TBCB: variants seen among roughly 807,000 people sequenced by gnomAD.
TBCB encodes tubulin folding cofactor B.
Under a neutral mutation model 29.2 loss-of-function variants are expected in TBCB, and 18 were observed. The observed-to-expected ratio is 0.62, with a 90% CI of 0.43 to 0.91. The LOEUF is 0.91. TBCB is among the 40% of genes least tolerant of loss of function. The pLI, the probability that TBCB is intolerant of heterozygous loss-of-function variation, is 0.00. For synonymous variants in TBCB, 172 were observed against 137.8 expected, an observed-to-expected ratio of 1.25 and a Z score of -1.74; for missense variants, 336 against 337.6, an observed-to-expected ratio of 1.00 and a Z score of 0.04.
chr19:36,116,074 T>C lies in TBCB; in HGVS notation c.148T>C (p.Ser50Pro), dbSNP rs773706371. 5 of 1,614,156 alleles carry C rather than the reference T, an allele frequency of 3.1e-6. No homozygotes were observed. Among genetic ancestry groups the C allele is most frequent in the Non-Finnish European group, 4.2e-6 (5 of 1,180,016 alleles). Residue 50 changes from serine to proline, a missense_variant, in exon 2 of 6, where the codon TCC becomes CCC. Coordinates refer to ENST00000221855, the MANE Select transcript of TBCB (RefSeq NM_001281.3). ...KLELLVGSPA[S>P]CMELELYGVD... ...GGAGTTGCTGGTGGGCAGCCCTGCT[T>C]CCTGCATGGAACTGGAGCTGTATGG...
chr19:36,121,813 C>T (rs1426595052), intron 4 of TBCB, 95 bp downstream of exon 4: 19 of 1,479,826 alleles, frequency 1.3e-5, no homozygotes, highest in Non-Finnish European at 1.7e-5. Context: ...CACGCTCTGC[C>T]TAGGGGCGCG....
intron 2 of TBCB, 36 bp downstream of exon 2, chr19:36,116,220 A>T: frequency 3.7e-6 from 6 of 1,604,120 alleles, no homozygotes; most frequent in South Asian, 1.1e-5. Flanking sequence ...CCCCCACCCC[A>T]CCTTTCATTT....
chr19:36,122,847 G>A (rs1803763082), intron 4 of TBCB, among the ~76,000 whole-genome samples: 1 of 151,466 alleles, frequency 6.6e-6, no homozygotes, highest in African/African-American at 2.4e-5. Context: ...GGCTTCTAGT[G>A]TACCCATGAC....
Position 36,115,510 on chromosome 19 carries a change from C to A in TBCB, c.-51C>A. On this transcript the variant is annotated 5_prime_UTR_variant, in exon 1 of 6. Transcript: ENST00000221855. ...AGCAGCGGCGGCGGCGGCTGCGGAG[C>A]GGGTGTGAGGCGGCTGGACCGCGCT... 1 of 1,403,684 alleles carries A rather than the reference C, an allele frequency of 7.1e-7. No individual in the cohort carries two copies. Among genetic ancestry groups the A allele is most frequent in the Non-Finnish European group, 9.8e-7 (1 of 1,019,198 alleles). The allele number at this position is 1,403,684 out of a possible 1,614,324, so 87.0% of individuals were successfully genotyped here. A position where few individuals can be genotyped will look rare whatever the true frequency, so the allele number is the denominator to read the frequency against.
chr19:36,115,077 A>C, upstream of TBCB: 1 of 598,490 alleles, frequency 1.7e-6, no homozygotes, highest in Non-Finnish European at 3.0e-6. Context: ...ATTTTTGGGC[A>C]TCGCCGCCTC....
At chr19:36,121,804 A>C in intron 4 of TBCB, 86 bp downstream of exon 4, 5 of 1,509,042 alleles carry the variant, frequency 3.3e-6, no homozygotes, top group Non-Finnish European at 3.6e-6. Flanking sequence ...CTCGGAGACC[A>C]CGCTCTGCCT....
At chr19:36,115,360 C>G, upstream of TBCB, 1 of 583,792 alleles carries the variant, frequency 1.7e-6, no homozygotes, top group South Asian at 2.1e-5. Context: ...TGGGCTGGCC[C>G]AAGAGTAAGG....
Position 36,121,703 on chromosome 19 carries a change from A to T in TBCB, c.532A>T (p.Thr178Ser), listed in dbSNP as rs375409074. 6.4e-7 allele frequency: 1 copy of T among 1,551,478 alleles called. No homozygotes were observed. Among genetic ancestry groups the T allele is most frequent in the Non-Finnish European group, 8.7e-7 (1 of 1,148,780 alleles). The stretch of plus-strand genomic sequence containing the variant: ...GGCGGGACAATCCCCTCGCCGGGGC[A>T]CCGTCATGTATGTAGGTGCGTGGCT... ...RAAGQSPRRG[T>S]VMYVGLTDFK... The change falls in exon 4 of 6, where the codon ACC becomes TCC. Residue 178 changes from threonine to serine, a missense_variant. Coordinates refer to ENST00000221855, the MANE Select transcript of TBCB (RefSeq NM_001281.3).
At chr19:36,115,903 G>C in intron 1 of TBCB, 138 bp from the exon 2 acceptor site, 1 of 1,334,332 alleles carries the variant, frequency 7.5e-7, no homozygotes, top group Non-Finnish European at 1.0e-6. Flanking sequence ...GCGGGGGCAA[G>C]AGGCGAGGGG....
intron 3 of TBCB, among the ~76,000 whole-genome samples, chr19:36,121,153 A>G (rs1974042171): frequency 6.7e-6 from 1 of 149,124 alleles, no homozygotes; most frequent in African/African-American, 2.5e-5. Flanking sequence ...GTGGAATGCG[A>G]GTGGACAGGG....
At chr19:36,115,425 G>A, upstream of TBCB, 1 of 663,720 alleles carries the variant, frequency 1.5e-6, no homozygotes, top group South Asian at 1.8e-5. Flanking sequence ...GGACGCTCCT[G>A]GCAGGAGAGC....
chr19:36,115,255 C>T (rs1337672675), upstream of TBCB: 1 of 532,652 alleles, frequency 1.9e-6, no homozygotes, highest in East Asian at 3.3e-5. Flanking sequence ...CTTGCCACTC[C>T]TACCTCCGGG....
intron 4 of TBCB, among the ~76,000 whole-genome samples, chr19:36,122,844 A>G (rs1235355928): frequency 6.6e-6 from 1 of 151,744 alleles, no homozygotes; most frequent in Non-Finnish European, 1.5e-5. Context: ...CCGGGCTTCT[A>G]GTGTACCCAT....
intron 3 of TBCB, among the ~76,000 whole-genome samples, chr19:36,121,074 G>A (rs560434867): frequency 1.2e-3 from 184 of 150,506 alleles, no homozygotes; most frequent in African/African-American, 4.4e-3. Context: ...GGGTAGGTGT[G>A]GGGGCTGGGT....
chr19:36,124,572 G>A (rs1442666116), intron 4 of TBCB, among the ~76,000 whole-genome samples: 4 of 151,260 alleles, frequency 2.6e-5, no homozygotes, highest in African/African-American at 7.3e-5. Flanking sequence ...ACGTAATCTC[G>A]CTTTGTGCCC....
In TBCB at chr19:36,125,683, C is replaced by T; in HGVS notation, c.636C>T (p.Arg212=). The change falls in exon 6 of 6, where the codon CGC becomes CGT. Residue 212 remains arginine (R), a synonymous_variant. Coordinates refer to ENST00000221855, the MANE Select transcript of TBCB (RefSeq NM_001281.3). ...GKNDGSVNGK[R]YFECQAKYGA... is the part of the protein sequence containing the mutation. Reference sequence around the variant, plus strand: ...TTTCCTGCAGTGTGAATGGGAAACGCTACTTCGAATGCCAGGCCAAGTATG... The same window carrying T: ...TTTCCTGCAGTGTGAATGGGAAACGTTACTTCGAATGCCAGGCCAAGTATG... 6.3e-7 allele frequency: 1 copy of T among 1,580,968 alleles called. No individual in the cohort carries two copies. Among genetic ancestry groups the T allele is most frequent in the Non-Finnish European group, 8.6e-7 (1 of 1,162,762 alleles).
At chr19:36,121,434 G>C in intron 3 of TBCB, 93 bp from the exon 4 acceptor site, 1 of 1,411,718 alleles carries the variant, frequency 7.1e-7, no homozygotes, top group Non-Finnish European at 9.4e-7. Flanking sequence ...GGAAGAGAGA[G>C]TTCCTCCGTG....
intron 4 of TBCB, among the ~76,000 whole-genome samples, chr19:36,125,067 A>C (rs1279862327): frequency 6.6e-6 from 1 of 152,186 alleles, no homozygotes; most frequent in Non-Finnish European, 1.5e-5. Flanking sequence ...TCACTGAGCA[A>C]CTTAAAGTTA....
Position 36,125,565 on chromosome 19 carries a change from G to A in TBCB, c.620+42G>A, listed in dbSNP as rs112545487. Reference sequence around the variant, plus strand: ...CTCAGGTGTCTGTGTGTGCATTTGTGTGTAAGTCCATGCGTGCTGCTTGCT... The same window carrying A: ...CTCAGGTGTCTGTGTGTGCATTTGTATGTAAGTCCATGCGTGCTGCTTGCT... On this transcript the variant is annotated intron_variant, in intron 5 of 5. Coordinates refer to ENST00000221855, the MANE Select transcript of TBCB (RefSeq NM_001281.3). 4.0e-4 allele frequency: 639 copies of A among 1,613,194 alleles called. 2 individuals carry two copies. The African/African-American group carries it at 7.4e-3, about 19-fold the overall frequency.
Sources: allele counts gnomAD v4.1 joint callset (sites outside exome capture counted in the v4.1 genomes callset), GRCh38; gene constraint gnomAD v4.1.1; transcripts MANE v1.5; gene names NCBI Gene and HGNC (gene_info 2026-07-23, HGNC 2026-07-21).